PTGER4: variants seen among roughly 807,000 people sequenced by gnomAD.
The protein encoded by PTGER4 is prostaglandin E receptor 4, also known as prostaglandin E2 receptor EP4 subtype.
PTGER4 carries 11 observed loss-of-function variants against 33.2 expected under a neutral mutation model. The observed-to-expected ratio is 0.33, with a 90% confidence interval of 0.21 to 0.55. The LOEUF (loss-of-function observed/expected upper bound fraction) is 0.55, where lower values mean the gene tolerates loss of function less well. Among genes scored for constraint, PTGER4 ranks in the 20% least tolerant of loss-of-function variants. The probability of loss-of-function intolerance (pLI) is 0.92; values close to 1 mark genes in which losing one functional copy is unlikely to be tolerated. For missense variants in PTGER4, 481 were observed against 650.2 expected (o/e 0.74, Z 2.83); for synonymous variants, 275 against 281.5 (o/e 0.98, Z 0.23).
At chr5:40,709,674 A>G in the PTGER4 span, among the ~76,000 whole-genome samples, 1 of 152,194 alleles carries the variant, frequency 6.6e-6, no homozygotes, top group Non-Finnish European at 1.5e-5. Flanking sequence ...ACAGAATTGG[A>G]AAAAACTACT....
At chr5:40,713,873 C>T in the PTGER4 span, among the ~76,000 whole-genome samples, 1 of 152,130 alleles carries the variant, frequency 6.6e-6, no homozygotes, top group East Asian at 1.9e-4. Flanking sequence ...GTATTCACAT[C>T]CTTGTAAAAT....
the PTGER4 span, among the ~76,000 whole-genome samples, chr5:40,706,810 A>G: frequency 4.1e-3 from 631 of 152,324 alleles, 3 homozygotes; most frequent in African/African-American, 0.015. Context: ...AGAAAAGCCT[A>G]TCAGACTCAC....
intron 2 of PTGER4, among the ~76,000 whole-genome samples, chr5:40,690,913 G>A (rs1315123474): frequency 6.6e-6 from 1 of 152,160 alleles, no homozygotes; most frequent in Admixed American, 6.5e-5. Context: ...TTGCATTTTT[G>A]TATACTGTCT....
chr5:40,732,167 G>A, the PTGER4 span, among the ~76,000 whole-genome samples: 2 of 152,006 alleles, frequency 1.3e-5, no homozygotes, highest in Non-Finnish European at 2.9e-5. Flanking sequence ...ATGCCACTAT[G>A]GCCAGCTAAT....
chr5:40,697,258 GAA>G (rs1425410618), downstream of PTGER4, among the ~76,000 whole-genome samples: 1 of 101,466 alleles, frequency 9.9e-6, no homozygotes, highest in African/African-American at 3.0e-5. Flanking sequence ...AAGAAAGAAA[GAA>G]AGAAAGAAAG....
the PTGER4 span, chr5:40,714,367 C>T: frequency 1.3e-5 from 2 of 152,080 alleles, no homozygotes; most frequent in African/African-American, 2.4e-5. Context: ...GTGTGAGGCA[C>T]CATGCAAGGT....
At chr5:40,740,961 C>T in the PTGER4 span, among the ~76,000 whole-genome samples, 3 of 151,926 alleles carry the variant, frequency 2.0e-5, no homozygotes, top group African/African-American at 7.3e-5. Flanking sequence ...CATTTCACTC[C>T]TCATTATGTT....
the PTGER4 span, among the ~76,000 whole-genome samples, chr5:40,733,608 T>C: frequency 1.3e-5 from 2 of 152,154 alleles, no homozygotes; most frequent in Non-Finnish European, 2.9e-5. Context: ...TAGAAGGCAT[T>C]TGTGGTCATC....
downstream of PTGER4, among the ~76,000 whole-genome samples, chr5:40,694,709 T>C (rs2111821229): frequency 6.6e-6 from 1 of 152,318 alleles, no homozygotes; most frequent in Admixed American, 6.5e-5. Context: ...AAAGGCCTTC[T>C]CTCCAAATAT....
At chr5:40,732,733 C>T in the PTGER4 span, among the ~76,000 whole-genome samples, 1,577 of 152,068 alleles carry the variant, frequency 0.01, 21 homozygotes, top group African/African-American at 0.032. Context: ...CTCAGCCCCC[C>T]GAGTGGCTGG....
chr5:40,730,317 T>A, the PTGER4 span: 1 of 1,612,932 alleles, frequency 6.2e-7, no homozygotes, highest in Non-Finnish European at 8.5e-7. Flanking sequence ...TAGTGCTTCA[T>A]CCCACTTCTG....
chr5:40,741,399 G>A, the PTGER4 span, among the ~76,000 whole-genome samples: 1 of 152,182 alleles, frequency 6.6e-6, no homozygotes, highest in Admixed American at 6.5e-5. Context: ...TCTCCGCTCT[G>A]TATGAACGCT....
chr5:40,680,922 C>A lies in PTGER4; in HGVS notation c.-43-29C>A. 1 of 1,523,408 alleles carries A rather than the reference C, an allele frequency of 6.6e-7. No homozygotes were observed. Among genetic ancestry groups the A allele is most frequent in the African/African-American group, 1.4e-5 (1 of 72,324 alleles). 94.4% of individuals were successfully genotyped at this position (1,523,408 alleles called of 1,614,324 possible). A position where few individuals can be genotyped will look rare whatever the true frequency, so the allele number is the denominator to read the frequency against. ...TACAAGTGGTAATTTCCGCTCACGGCAGCTTTGTCTCTCTTCTACCATCCC... is the reference window on the plus strand; with the variant it reads ...TACAAGTGGTAATTTCCGCTCACGGAAGCTTTGTCTCTCTTCTACCATCCC... On this transcript the variant is annotated intron_variant, in intron 1 of 2. Coordinates refer to ENST00000302472, the MANE Select transcript of PTGER4 (RefSeq NM_000958.3). This position sits in a 1 kb window ranked among gnomAD's most constrained non-coding sequence, Gnocchi z 5.5.
chr5:40,716,844 T>C, the PTGER4 span, among the ~76,000 whole-genome samples: 1 of 152,204 alleles, frequency 6.6e-6, no homozygotes, highest in Non-Finnish European at 1.5e-5. Context: ...ATCACAAAGG[T>C]ACCAGGAGTG....
chr5:40,739,809 T>C, the PTGER4 span, among the ~76,000 whole-genome samples: 3 of 152,228 alleles, frequency 2.0e-5, no homozygotes, highest in African/African-American at 7.2e-5. Flanking sequence ...ATAGTGTATA[T>C]TTATTGATTT....
At chr5:40,711,752 C>T in the PTGER4 span, among the ~76,000 whole-genome samples, 2 of 151,994 alleles carry the variant, frequency 1.3e-5, no homozygotes, top group Non-Finnish European at 2.9e-5. Context: ...TGAATCTCAA[C>T]ATGGATGGGT....
chr5:40,744,729 A>AT, the PTGER4 span, among the ~76,000 whole-genome samples: 4 of 152,274 alleles, frequency 2.6e-5, no homozygotes, highest in Admixed American at 2.6e-4. Context: ...TATTCAAATC[A>AT]ACAATTCTTA....
chr5:40,698,147 C>T (rs935253756), downstream of PTGER4, among the ~76,000 whole-genome samples: 1 of 135,850 alleles, frequency 7.4e-6, no homozygotes, highest in Non-Finnish European at 1.5e-5. Flanking sequence ...GGCATGGGGG[C>T]ATGTGCTTGT....
At chr5:40,696,406 A>G (rs972076899), downstream of PTGER4, among the ~76,000 whole-genome samples, 1 of 152,162 alleles carries the variant, frequency 6.6e-6, no homozygotes, top group Non-Finnish European at 1.5e-5. Context: ...AGATGCTGCA[A>G]TTATGATCTC....
Sources: gnomAD v4.1 joint callset for allele counts (sites outside exome capture counted in the v4.1 genomes callset) on GRCh38, gnomAD v4.1.1 for gene constraint, Gnocchi (gnomAD v3.1) non-coding constraint, MANE v1.5 for transcripts, NCBI Gene and HGNC (gene_info 2026-07-23, HGNC 2026-07-21) for gene names.